Variants in DMD observed in about 807,000 individuals in gnomAD.
DMD encodes dystrophin.
In DMD, 63 loss-of-function variants were observed where a neutral mutation model predicts 330.1. The observed-to-expected ratio is 0.19, with a 90% CI of 0.16 to 0.24. The LOEUF is 0.24. Among genes scored for constraint, DMD ranks in the 10% least tolerant of loss-of-function variants. DMD has a pLI of 1.00. For synonymous variants in DMD, 1,223 were observed against 959.8 expected (o/e 1.27, Z -5.07); for missense variants, 3,344 against 2,684.1 (o/e 1.25, Z -5.43).
intron 25 of DMD, among the ~76,000 whole-genome samples, chrX:32,462,861 G>A (rs2098388431): frequency 9.0e-6 from 1 of 110,909 alleles, no homozygotes; most frequent in Non-Finnish European, 1.9e-5. Flanking sequence ...TGTGGGGACT[G>A]AGATGGGAGA....
At chrX:31,522,363 C>CTCTCTCTCTCTCTCTCTATATATATA in intron 55 of DMD, among the ~76,000 whole-genome samples, 7 of 35,964 alleles carry the variant, frequency 1.9e-4, no homozygotes, top group Admixed American at 1.7e-3. Context: ...CTCTCTCTCT[C>CTCTCTCTCTCTCTCTCTATATATATA]TATATATATA....
At chrX:31,355,770 C>T (rs1455622809) in intron 60 of DMD, among the ~76,000 whole-genome samples, 1 of 109,222 alleles carries the variant, frequency 9.2e-6, no homozygotes, top group Non-Finnish European at 1.9e-5. Context: ...AGACTGATTA[C>T]AGTTTCAGTT....
intron 17 of DMD, among the ~76,000 whole-genome samples, chrX:32,519,065 C>G (rs766965531): frequency 2.9e-5 from 2 of 68,943 alleles, no homozygotes; most frequent in South Asian, 2.3e-3. Flanking sequence ...ATTATTCATT[C>G]TAATCTGGTG....
At chrX:32,313,024 C>T (rs1042040374) in intron 41 of DMD, among the ~76,000 whole-genome samples, 1 of 102,526 alleles carries the variant, frequency 9.8e-6, no homozygotes, top group Admixed American at 1.1e-4. Context: ...GGAGCTGGTA[C>T]CATTCCCTCT....
At chrX:31,486,245 G>C (rs1219432377) in intron 57 of DMD, among the ~76,000 whole-genome samples, 1 of 112,586 alleles carries the variant, frequency 8.9e-6, no homozygotes, top group African/African-American at 3.2e-5. Flanking sequence ...TAAATGCTCA[G>C]TAAACATTGT....
At chrX:32,325,028 T>A (rs2097643654) in intron 41 of DMD, among the ~76,000 whole-genome samples, 1 of 111,626 alleles carries the variant, frequency 9.0e-6, no homozygotes, top group African/African-American at 3.2e-5. Flanking sequence ...ATACATTACC[T>A]GGGAACATGT....
At chrX:32,392,403 T>G (rs1002160068) in intron 30 of DMD, among the ~76,000 whole-genome samples, 3 of 111,231 alleles carry the variant, frequency 2.7e-5, no homozygotes, top group African/African-American at 9.8e-5. Flanking sequence ...CGATTACAGG[T>G]GCCCACCACC....
At chrX:33,244,722 CAG>C (rs2052639341) in intron 1 of DMD, among the ~76,000 whole-genome samples, 2 of 111,636 alleles carry the variant, frequency 1.8e-5, no homozygotes, top group Admixed American at 1.9e-4. Flanking sequence ...TTTACAGGAA[CAG>C]AGTTTCTTGA....
Position 32,293,299 on chromosome X carries a change from G to A in DMD, c.6118-5598C>T, listed in dbSNP as rs186259088. Among the ~76,000 whole-genome samples, 389 of 112,129 alleles carry A rather than the reference G, an allele frequency of 3.5e-3. 1 individual carries two copies. Among genetic ancestry groups the A allele is most frequent in the African/African-American group, 0.011 (352 of 30,873 alleles). On this transcript the variant is annotated intron_variant, in intron 42 of 78. Transcript: ENST00000357033. ...AGGGATGGTCAGATTGCTCAGGAAAGGTGTTTAGGGTGAAAAGAGTGAGAA... is the reference window on the plus strand; with the variant it reads ...AGGGATGGTCAGATTGCTCAGGAAAAGTGTTTAGGGTGAAAAGAGTGAGAA...
chrX:32,890,684 G>A (rs763076835), intron 2 of DMD, among the ~76,000 whole-genome samples: 84 of 111,463 alleles, frequency 7.5e-4, no homozygotes, highest in African/African-American at 2.4e-3. Flanking sequence ...AAAGAAATTC[G>A]GGAAATCAGA....
chrX:31,996,938 T>G (rs1211807203), intron 44 of DMD, among the ~76,000 whole-genome samples: 2 of 111,864 alleles, frequency 1.8e-5, no homozygotes, highest in Non-Finnish European at 3.8e-5. Context: ...GAAAGGGCAG[T>G]ATGCTTTCAT....
chrX:32,903,958 C>T (rs1215650832), intron 2 of DMD, among the ~76,000 whole-genome samples: 1 of 111,778 alleles, frequency 8.9e-6, no homozygotes, highest in Non-Finnish European at 1.9e-5. Context: ...GTTACTTAAC[C>T]ACTCTAAGTC....
chrX:31,647,137 T>C (rs1455523099), intron 54 of DMD, among the ~76,000 whole-genome samples: 1 of 112,375 alleles, frequency 8.9e-6, no homozygotes, highest in African/African-American at 3.2e-5. Context: ...CCCTGCTTTG[T>C]GGCATTGATT....
chrX:32,818,949 G>A lies in DMD; in HGVS notation c.358-2309C>T, dbSNP rs113554666. 6.7e-3 allele frequency among the ~76,000 whole-genome samples: 719 copies of A among 107,843 alleles called. 6 individuals carry two copies. The highest frequency in any genetic ancestry group is 0.023 in the African/African-American group (676 of 29,371). The allele number at this position is 107,843 out of a possible 115,157, so 93.6% of individuals were successfully genotyped here. A position where few individuals can be genotyped will look rare whatever the true frequency, so the allele number is the denominator to read the frequency against. On this transcript the variant is annotated intron_variant, in intron 5 of 78. Transcript: ENST00000357033. The stretch of plus-strand genomic sequence containing the variant: ...TGAATAAGCGTGTCATAGGGTCTAC[G>A]TCACAGCTCTAGTTCTTCCTCTTTC...
intron 1 of DMD, among the ~76,000 whole-genome samples, chrX:33,112,917 C>A (rs1342042386): frequency 9.2e-6 from 1 of 108,685 alleles, no homozygotes; most frequent in Non-Finnish European, 1.9e-5. Context: ...TGCGCCATTG[C>A]ACTCCAGTTT....
At chrX:31,562,934 T>C (rs1183348846) in intron 55 of DMD, among the ~76,000 whole-genome samples, 2 of 112,607 alleles carry the variant, frequency 1.8e-5, no homozygotes, top group Non-Finnish European at 3.8e-5. Context: ...TAGGAGGCAA[T>C]CTGTGTTTTC....
chrX:31,698,560 T>A lies in DMD; in HGVS notation c.7661-18974A>T, dbSNP rs182912718. ...ACAGATTATAAGGAATATTAAGATA[T>A]GTCCCTTCTACTTCCACAAGGCATT... On this transcript the variant is annotated intron_variant, in intron 52 of 78. Coordinates refer to ENST00000357033, the MANE Select transcript of DMD (RefSeq NM_004006.3). 2.7e-5 allele frequency among the ~76,000 whole-genome samples: 3 copies of A among 112,208 alleles called. No individual in the cohort carries two copies. In the East Asian group the frequency reaches 8.4e-4, roughly 31 times the overall value.
intron 43 of DMD, among the ~76,000 whole-genome samples, chrX:32,219,450 T>C (rs1249359754): frequency 2.7e-5 from 3 of 112,303 alleles, no homozygotes. Flanking sequence ...TTTTCTTATA[T>C]AATTTTTCTA....
intron 12 of DMD, among the ~76,000 whole-genome samples, chrX:32,598,114 C>G (rs923404040): frequency 3.6e-5 from 4 of 112,006 alleles, no homozygotes; most frequent in African/African-American, 1.3e-4. Flanking sequence ...ATTTTCGAAG[C>G]CTCAACATTT....
Sources: gnomAD v4.1 joint callset for allele counts (sites outside exome capture counted in the v4.1 genomes callset) on GRCh38, gnomAD v4.1.1 for gene constraint, MANE v1.5 for transcripts, NCBI Gene and HGNC (gene_info 2026-07-23, HGNC 2026-07-21) for gene names.